The following LRRC37A2 variants were observed in gnomAD, a reference collection of about 807,000 sequenced individuals.
LRRC37A2 encodes leucine-rich repeat-containing protein 37A2.
In LRRC37A2, 9 loss-of-function variants were observed where a neutral mutation model predicts 68.8. The ratio of observed to expected loss-of-function variants is 0.13; its 90% CI spans 0.08 to 0.23. The LOEUF is 0.23. LRRC37A2 is among the 10% of genes least tolerant of loss of function. LRRC37A2 has a pLI of 1.00. For missense variants in LRRC37A2, 168 were observed against 950.4 expected (o/e 0.18, Z 10.82); for synonymous variants, 63 against 367.6 (o/e 0.17, Z 9.48).
At chr17:46,792,201 C>T in the LRRC37A2 span, among the ~76,000 whole-genome samples, 50,331 of 152,114 alleles carry the variant, frequency 0.33, 8,873 homozygotes, top group East Asian at 0.59. Context: ...CAGGAATCAC[C>T]CTGGCCTAAG....
the LRRC37A2 span, among the ~76,000 whole-genome samples, chr17:46,390,464 C>T: frequency 1.8e-5 from 2 of 113,902 alleles, no homozygotes; most frequent in African/African-American, 2.9e-5. Context: ...CCGAGCCGGG[C>T]GGATCACGAG....
chr17:46,957,002 T>G, the LRRC37A2 span, among the ~76,000 whole-genome samples: 7 of 152,178 alleles, frequency 4.6e-5, no homozygotes, highest in Non-Finnish European at 1.0e-4. Flanking sequence ...GGCTGCCCGC[T>G]GACAGGTGAA....
the LRRC37A2 span, chr17:46,939,431 C>T: frequency 1.0e-6 from 1 of 992,666 alleles, no homozygotes; most frequent in African/African-American, 1.7e-5. Flanking sequence ...AGTGTTATTT[C>T]CCGGGAGTGT....
chr17:46,773,785 C>T, the LRRC37A2 span: 3 of 1,613,498 alleles, frequency 1.9e-6, no homozygotes, highest in Non-Finnish European at 2.5e-6. Context: ...CCCTCGGCCA[C>T]GCTGGGCATG....
At chr17:46,895,041 G>A in the LRRC37A2 span, among the ~76,000 whole-genome samples, 1 of 152,228 alleles carries the variant, frequency 6.6e-6, no homozygotes, top group African/African-American at 2.4e-5. Context: ...GAGCAGACCT[G>A]CCCAGACAGG....
the LRRC37A2 span, among the ~76,000 whole-genome samples, chr17:46,987,734 T>TA: frequency 6.6e-6 from 1 of 152,232 alleles, no homozygotes; most frequent in African/African-American, 2.4e-5. Context: ...CCCAGCTATT[T>TA]ATCACTAGAT....
chr17:47,049,076 G>T, the LRRC37A2 span: 10 of 685,060 alleles, frequency 1.5e-5, no homozygotes, highest in East Asian at 2.6e-4. Flanking sequence ...GGGTGTGTGT[G>T]TCTCCTCTCT....
chr17:46,887,658 G>C, the LRRC37A2 span, among the ~76,000 whole-genome samples: 2 of 152,130 alleles, frequency 1.3e-5, no homozygotes, highest in African/African-American at 2.4e-5. Flanking sequence ...CAGACACTTG[G>C]GAGGCTGAGG....
At chr17:46,863,103 C>T in the LRRC37A2 span, among the ~76,000 whole-genome samples, 4 of 83,884 alleles carry the variant, frequency 4.8e-5, no homozygotes, top group African/African-American at 2.0e-4. Flanking sequence ...AGCAATCAGT[C>T]GTGGGCTAGG....
chr17:46,790,053 G>T, the LRRC37A2 span, among the ~76,000 whole-genome samples: 2 of 152,024 alleles, frequency 1.3e-5, no homozygotes, highest in African/African-American at 4.8e-5. Context: ...AGTTCAAAGC[G>T]CTGGCTGCCC....
chr17:46,976,440 C>G, the LRRC37A2 span, among the ~76,000 whole-genome samples: 14 of 151,638 alleles, frequency 9.2e-5, no homozygotes, highest in Non-Finnish European at 1.5e-4. Flanking sequence ...CCAGCTATTC[C>G]GGAGGCTGAG....
chr17:46,981,434 C>G, the LRRC37A2 span, among the ~76,000 whole-genome samples: 7 of 152,250 alleles, frequency 4.6e-5, no homozygotes, highest in East Asian at 1.3e-3. Context: ...CTTTCTCTTT[C>G]TCTCTCTTCT....
At chr17:46,939,452 C>T in the LRRC37A2 span, 3 of 987,372 alleles carry the variant, frequency 3.0e-6, no homozygotes, top group East Asian at 2.2e-4. Context: ...TCAGTCTTGA[C>T]CCTAGTCACT....
At chr17:46,787,881 G>C in the LRRC37A2 span, among the ~76,000 whole-genome samples, 3 of 151,848 alleles carry the variant, frequency 2.0e-5, no homozygotes, top group Admixed American at 6.6e-5. Context: ...GCTTGAACCT[G>C]GGAGGCAGAG....
the LRRC37A2 span, among the ~76,000 whole-genome samples, chr17:46,771,792 G>A: frequency 7.0e-6 from 1 of 143,038 alleles, no homozygotes; most frequent in South Asian, 2.1e-4. Context: ...CGCGCCGAAT[G>A]GCCAGAGGGC....
the LRRC37A2 span, among the ~76,000 whole-genome samples, chr17:46,819,924 A>C: frequency 6.6e-6 from 1 of 152,148 alleles, no homozygotes; most frequent in East Asian, 1.9e-4. The surrounding 1 kb of genome is among the most constrained non-coding windows in gnomAD (Gnocchi z 5.3). Flanking sequence ...AGGCCACCTG[A>C]GGCACCAGGA....
the LRRC37A2 span, among the ~76,000 whole-genome samples, chr17:46,926,420 T>TA: frequency 6.6e-6 from 1 of 152,180 alleles, no homozygotes; most frequent in Non-Finnish European, 1.5e-5. Flanking sequence ...GCACTTCCAT[T>TA]AAAAAATTCT....
At chr17:46,876,081 T>C in the LRRC37A2 span, among the ~76,000 whole-genome samples, 1 of 152,220 alleles carries the variant, frequency 6.6e-6, no homozygotes, top group Non-Finnish European at 1.5e-5. Context: ...GCGTAAGTTG[T>C]CTATTCCACA....
chr17:46,721,919 A>C, the LRRC37A2 span: 2 of 1,595,060 alleles, frequency 1.3e-6, no homozygotes, highest in South Asian at 2.2e-5. Flanking sequence ...CTTTTTCTCC[A>C]ATTCGCGTAC....
Sources: gnomAD v4.1 joint callset for allele counts (sites outside exome capture counted in the v4.1 genomes callset) on GRCh38, gnomAD v4.1.1 for gene constraint, Gnocchi (gnomAD v3.1) non-coding constraint, MANE v1.5 for transcripts, NCBI Gene and HGNC (gene_info 2026-07-23, HGNC 2026-07-21) for gene names.